Variants in PDXDC1 observed in about 807,000 individuals in gnomAD.
PDXDC1 encodes the protein pyridoxal dependent decarboxylase domain containing 1.
A neutral mutation model predicts 100.1 loss-of-function variants in PDXDC1; 42 were observed. The ratio of observed to expected loss-of-function variants is 0.42; its 90% CI spans 0.33 to 0.54. The LOEUF is 0.54. PDXDC1 is among the 20% of genes least tolerant of loss of function. The pLI, the probability that PDXDC1 is intolerant of heterozygous loss-of-function variation, is 0.10. For missense variants in PDXDC1, 636 were observed against 979.2 expected (o/e 0.65, Z 4.68); for synonymous variants, 260 against 371.7 (o/e 0.70, Z 3.46).
chr16:15,110,633 A>G lies in PDXDC1; in HGVS notation c.1400-28246A>G, dbSNP rs2047007110. The G allele has an allele frequency of 5.1e-6, 8 of 1,562,120 alleles. No individual in the cohort carries two copies. The East Asian group carries it at 1.8e-4, about 35-fold the overall frequency. On this transcript the variant is annotated intron_variant, in intron 16 of 16. Transcript: ENST00000535621. ...CCCTTGGTGAGAGTGAGGAGAGGAG[A>G]AGGTGAGAAACCTGAGGGCAAGAAG...
chr16:14,997,422 C>T (rs900284760), intron 1 of PDXDC1, among the ~76,000 whole-genome samples: 1 of 152,262 alleles, frequency 6.6e-6, no homozygotes, highest in Non-Finnish European at 1.5e-5. Flanking sequence ...TGCCTGTAAT[C>T]CCAGCTACTT....
intron 16 of PDXDC1, chr16:15,080,147 A>G: frequency 6.5e-7 from 1 of 1,535,624 alleles, no homozygotes. Context: ...TAAACGTTTC[A>G]CAGTTATGTA....
At chr16:15,104,892 G>T in intron 16 of PDXDC1, 1 of 1,530,872 alleles carries the variant, frequency 6.5e-7, no homozygotes, top group Non-Finnish European at 8.7e-7. Context: ...TTTCAAAATA[G>T]CAGTATCAGT....
intron 1 of PDXDC1, chr16:14,996,453 A>G (rs1417458367): frequency 9.0e-6 from 2 of 222,328 alleles, no homozygotes; most frequent in Admixed American, 5.7e-5. Context: ...AATATATAAT[A>G]TATAATTTAT....
rs994725198 is a variant in PDXDC1, at chr16:15,137,668, C to A, written c.1400-1211C>A. The A allele has an allele frequency of 1.7e-5, 20 of 1,205,910 alleles. No homozygotes were observed. The African/African-American group carries it at 1.7e-4, about 10-fold the overall frequency. The allele number at this position is 1,205,910 out of a possible 1,614,324, so 74.7% of individuals were successfully genotyped here. A position where few individuals can be genotyped will look rare whatever the true frequency, so the allele number is the denominator to read the frequency against. ...GGCCCGGAGCCCCCCCCCAGAGAGG[C>A]CTTCCTGAGCCCTGCCCAGTGTCTG... On this transcript the variant is annotated intron_variant, in intron 16 of 16. Transcript: ENST00000535621.
chr16:15,125,962 T>G (rs1567293577), intron 16 of PDXDC1: 1 of 604,250 alleles, frequency 1.7e-6, no homozygotes, highest in Non-Finnish European at 3.0e-6. Flanking sequence ...CCGTCCGTGA[T>G]GGCAGCCCCT....
At chr16:15,143,433 C>T (rs563663443), downstream of PDXDC1, among the ~76,000 whole-genome samples, 202 of 152,348 alleles carry the variant, frequency 1.3e-3, 1 homozygote, top group African/African-American at 4.6e-3. Flanking sequence ...AGGTATCTGA[C>T]ACGTGTCTCA....
chr16:15,102,353 T>C (rs905547683), intron 16 of PDXDC1, among the ~76,000 whole-genome samples: 1 of 152,014 alleles, frequency 6.6e-6, no homozygotes, highest in African/African-American at 2.4e-5. Flanking sequence ...TACGAGAGGG[T>C]GTAGCCTGGT....
intron 16 of PDXDC1, chr16:15,126,093 G>T: frequency 2.0e-6 from 1 of 497,796 alleles, no homozygotes; most frequent in South Asian, 2.1e-5. Context: ...GGAGTGCACT[G>T]GCGCAATCTC....
At chr16:15,058,708 G>C (rs552716454) in intron 16 of PDXDC1, among the ~76,000 whole-genome samples, 1 of 152,326 alleles carries the variant, frequency 6.6e-6, no homozygotes, top group South Asian at 2.1e-4. Flanking sequence ...TCCAGCCTGG[G>C]TGACAGAGTG....
rs765870055 is a variant in PDXDC1, at chr16:15,092,553, G to A, written c.1400-46326G>A. 11 of 1,613,428 alleles carry A rather than the reference G, an allele frequency of 6.8e-6. No homozygotes were observed. The East Asian group carries it at 8.9e-5, about 13-fold the overall frequency. On this transcript the variant is annotated intron_variant, in intron 16 of 16. Coordinates refer to the PDXDC1 transcript ENST00000535621. ...ACTTCTGTCACAGTTCCACCAAACC[G>A]AACAGTTTTTCTTGGGGGAGAATTG...
chr16:14,981,475 G>A (rs1967972516), intron 1 of PDXDC1, among the ~76,000 whole-genome samples: 1 of 152,290 alleles, frequency 6.6e-6, no homozygotes, highest in Non-Finnish European at 1.5e-5. Context: ...AACAGTATCT[G>A]CTTCTGTTTA....
chr16:15,077,406 C>G (rs1291689175), intron 16 of PDXDC1, among the ~76,000 whole-genome samples: 1 of 152,034 alleles, frequency 6.6e-6, no homozygotes, highest in Non-Finnish European at 1.5e-5. Flanking sequence ...GAATAAGTCT[C>G]AAGAGATCTG....
intron 1 of PDXDC1, among the ~76,000 whole-genome samples, chr16:14,978,097 A>G (rs1389977949): frequency 6.6e-6 from 1 of 152,018 alleles, no homozygotes; most frequent in Non-Finnish European, 1.5e-5. Flanking sequence ...TCTCGTCACG[A>G]TTTGCTTTTC....
At chr16:15,127,978 G>C in intron 16 of PDXDC1, 2 of 1,579,900 alleles carry the variant, frequency 1.3e-6, no homozygotes, top group Non-Finnish European at 1.7e-6. Flanking sequence ...TGGGAACATG[G>C]AACGAGGCCT....
chr16:14,981,795 C>T (rs1377064357), intron 1 of PDXDC1, among the ~76,000 whole-genome samples: 1 of 152,206 alleles, frequency 6.6e-6, no homozygotes, highest in Non-Finnish European at 1.5e-5. Flanking sequence ...TTGCTGCCTC[C>T]TTTCCACTGT....
chr16:15,142,965 C>T (rs888834499), downstream of PDXDC1, among the ~76,000 whole-genome samples: 1 of 152,140 alleles, frequency 6.6e-6, no homozygotes, highest in African/African-American at 2.4e-5. Flanking sequence ...GCACTCCTCA[C>T]CCCAGTTCCT....
chr16:14,985,851 CT>C (rs1367362447), intron 1 of PDXDC1, among the ~76,000 whole-genome samples: 3 of 152,294 alleles, frequency 2.0e-5, no homozygotes, highest in African/African-American at 4.8e-5. Flanking sequence ...AATCTCAGCA[CT>C]TTGGGAGGCC....
At position 15,133,913 on chromosome 16, in the gene PDXDC1, C is replaced by G. The variant is rs1010457275; in HGVS notation, c.1400-4966C>G. On this transcript the variant is annotated intron_variant, in intron 16 of 16. Transcript: ENST00000535621. ...ACAGGGGGATGGAGGCGCAGCCCTC[C>G]TCCTCGCCAGAGCGGCCCAGCACCG... 4.1e-6 allele frequency: 6 copies of G among 1,473,794 alleles called. No individual in the cohort carries two copies. In the Admixed American group the frequency reaches 5.5e-5, roughly 13 times the overall value. The allele number at this position is 1,473,794 out of a possible 1,614,324, so 91.3% of individuals were successfully genotyped here. A position where few individuals can be genotyped will look rare whatever the true frequency, so the allele number is the denominator to read the frequency against.
Sources: allele counts gnomAD v4.1 joint callset (sites outside exome capture counted in the v4.1 genomes callset), GRCh38; gene constraint gnomAD v4.1.1; transcripts MANE v1.5; gene names NCBI Gene and HGNC (gene_info 2026-07-23, HGNC 2026-07-21).